Variants in IFITM10 observed in about 807,000 individuals in gnomAD.
IFITM10 encodes interferon induced transmembrane protein 10.
A neutral mutation model predicts 19.0 loss-of-function variants in IFITM10; 17 were observed. That is an observed-to-expected ratio of 0.90 (90% CI 0.61 to 1.34). The LOEUF (loss-of-function observed/expected upper bound fraction) is 1.34. IFITM10 is among the 40% of genes most tolerant of loss of function. The pLI is 0.00. For synonymous variants in IFITM10, 148 were observed against 147.2 expected (o/e 1.01, Z -0.04); for missense variants, 306 against 319.8 (o/e 0.96, Z 0.33).
intron 1 of IFITM10, among the ~76,000 whole-genome samples, chr11:1,749,361 C>A (rs890553211): frequency 1.3e-5 from 2 of 151,952 alleles, no homozygotes; most frequent in Admixed American, 6.5e-5. Context: ...ACCCCTACAG[C>A]CCCCGACCAG....
Position 1,747,762 on chromosome 11 carries a change from T to C in IFITM10, c.442A>G (p.Thr148Ala). The C allele has an allele frequency of 6.4e-7, 1 of 1,551,856 alleles. No individual in the cohort carries two copies. Among genetic ancestry groups the C allele is most frequent in the Non-Finnish European group, 8.7e-7 (1 of 1,146,978 alleles). The change falls in exon 2 of 3, where the codon ACC becomes GCC. Residue 148 changes from threonine (T) to alanine (A), a missense_variant. Coordinates refer to ENST00000340134, the MANE Select transcript of IFITM10 (RefSeq NM_001170820.4). The stretch of plus-strand genomic sequence containing the variant: ...CACAGGTAATAGTCGTTCACCTCGG[T>C]GGTGTCCGGGTAGACCTCGATGACG... ...TTVIEVYPDT[T>A]EVNDYYLWSI...
intron 2 of IFITM10, among the ~76,000 whole-genome samples, chr11:1,737,465 C>T (rs1452196088): frequency 6.6e-6 from 1 of 152,238 alleles, no homozygotes; most frequent in East Asian, 1.9e-4. Flanking sequence ...GGGTCGTAGA[C>T]TGTACAGCCT....
rs1465593079 is a variant in IFITM10, at chr11:1,748,007, G to A, written c.197C>T (p.Pro66Leu). The A allele has an allele frequency of 2.1e-5, 30 of 1,437,942 alleles. No individual in the cohort carries two copies. Among genetic ancestry groups the A allele is most frequent in the Non-Finnish European group, 2.6e-5 (29 of 1,098,256 alleles). 89.1% of individuals were successfully genotyped at this position (1,437,942 alleles called of 1,614,324 possible). The change falls in exon 2 of 3, where the codon CCG becomes CTG. Residue 66 changes from proline (P) to leucine (L), a missense_variant. By Grantham distance (98) the Pro-to-Leu change is moderately conservative. Transcript: ENST00000340134. ...LDGAFWIPRP[P>L]AGSPKGCFAC... ...GAAGCAGCCCTTGGGCGAACCTGCC[G>A]GGGGCCTCGGAATCCAGAAGGCCCC...
chr11:1,749,111 C>A (rs1471348559), intron 1 of IFITM10: 1 of 1,095,764 alleles, frequency 9.1e-7, no homozygotes, highest in Non-Finnish European at 1.1e-6. Context: ...ACTGATCCGC[C>A]TCCCAGCGGC....
Position 1,735,329 on chromosome 11 carries a change from C to T in IFITM10, c.638G>A (p.Cys213Tyr), listed in dbSNP as rs1465907098. The change falls in exon 3 of 3, where the codon TGC becomes TAC. Residue 213 changes from cysteine to tyrosine, a missense_variant. Cys to Tyr is a radical substitution (Grantham distance 194). Coordinates refer to ENST00000340134, the MANE Select transcript of IFITM10 (RefSeq NM_001170820.4). ...CAGGAAGATGAAGACGAGGATGATGCAGGAGGCTGCCAGGGCAGAACTGGT... is the reference window on the plus strand; with the variant it reads ...CAGGAAGATGAAGACGAGGATGATGTAGGAGGCTGCCAGGGCAGAACTGGT... Reference protein sequence around the residue: ...NITSSALAASCIILVFIFLRY... With the variant: ...NITSSALAASYIILVFIFLRY... 6.4e-7 allele frequency: 1 copy of T among 1,551,580 alleles called. No homozygotes were observed. Among genetic ancestry groups the T allele is most frequent in the Non-Finnish European group, 8.7e-7 (1 of 1,146,974 alleles).
chr11:1,740,965 C>T (rs1026667040), intron 2 of IFITM10, among the ~76,000 whole-genome samples: 31 of 152,112 alleles, frequency 2.0e-4, no homozygotes, highest in Admixed American at 1.6e-3. Context: ...TCCCTTGCTC[C>T]CACTCTTGCC....
Position 1,748,055 on chromosome 11 carries a change from TG to T in IFITM10, c.148del (p.Gln50ArgfsTer79), listed in dbSNP as rs2133651034. On this transcript the variant is annotated frameshift_variant, in exon 2 of 3. Coordinates refer to ENST00000340134, the MANE Select transcript of IFITM10 (RefSeq NM_001170820.4). LOFTEE classifies it high-confidence loss of function. ...CCCGTCCAGGGGGACTCGGGCTTCCTGGGCGCCGTCCGTGGTGCTGGCCGGG... is the reference window on the plus strand; with the variant it reads ...CCCGTCCAGGGGGACTCGGGCTTCCTGGCGCCGTCCGTGGTGCTGGCCGGG... ...GDPASTTDGA[Q>X]EARVPLDGAF... The T allele has an allele frequency of 1.4e-6, 2 of 1,418,560 alleles. 1 individual carries two copies. The highest frequency in any genetic ancestry group is 5.0e-4 in the Middle Eastern group (2 of 3,972). The allele number at this position is 1,418,560 out of a possible 1,614,324, so 87.9% of individuals were successfully genotyped here. A position where few individuals can be genotyped will look rare whatever the true frequency, so the allele number is the denominator to read the frequency against.
intron 2 of IFITM10, among the ~76,000 whole-genome samples, chr11:1,741,858 C>T (rs551971516): frequency 3.9e-5 from 6 of 152,190 alleles, no homozygotes; most frequent in East Asian, 3.9e-4. Flanking sequence ...TTAGGTCATG[C>T]GTGGGATTGG....
chr11:1,747,730 G>A lies in IFITM10; in HGVS notation c.474C>T (p.Ile158=). The A allele has an allele frequency of 6.4e-7, 1 of 1,551,832 alleles. No individual in the cohort carries two copies. The highest frequency in any genetic ancestry group is 8.7e-7 in the Non-Finnish European group (1 of 1,146,998). The change falls in exon 2 of 3, where the codon ATC becomes ATT. Residue 158 remains isoleucine (I), a synonymous_variant. Transcript: ENST00000340134. ...AGAAGTTGAGGTAGACGAAGTTGAA[G>A]ATGGACCACAGGTAATAGTCGTTCA... ...TEVNDYYLWS[I]FNFVYLNFCC...
At position 1,747,911 on chromosome 11, in the gene IFITM10, G is replaced by A. The variant is rs1482480753; in HGVS notation, c.293C>T (p.Pro98Leu). 4 of 1,498,556 alleles carry A rather than the reference G, an allele frequency of 2.7e-6. No homozygotes were observed. The highest frequency in any genetic ancestry group is 2.5e-5 in the East Asian group (1 of 40,332). 92.8% of individuals were successfully genotyped at this position (1,498,556 alleles called of 1,614,324 possible). Residue 98 changes from proline to leucine, a missense_variant, in exon 2 of 3, where the codon CCG (proline) becomes CTG (leucine). Pro to Leu is a moderately conservative substitution (Grantham distance 98). Transcript: ENST00000340134. ...CATGGGGAACAGTGTGGGCGCCATC[G>A]GGGGAGAGGCCGAGGGCTCAGGGGC... The part of the protein sequence containing the change: ...APAPEPSASP[P>L]MAPTLFPMES...
intron 2 of IFITM10, chr11:1,745,171 C>CA (rs1346411364): frequency 6.5e-6 from 1 of 152,816 alleles, no homozygotes; most frequent in Non-Finnish European, 1.5e-5. Context: ...TGCAGAAACC[C>CA]GGCACCATCC....
At chr11:1,739,232 C>T (rs893726476) in intron 2 of IFITM10, among the ~76,000 whole-genome samples, 34 of 152,090 alleles carry the variant, frequency 2.2e-4, no homozygotes, top group Admixed American at 9.8e-4. Flanking sequence ...GTAACGGATG[C>T]TGGATGGCTG....
chr11:1,750,594 T>C lies in IFITM10; in HGVS notation c.-152A>G. ...CCTGTGCCTGACTCTGAACCCTTTC[T>C]CTCCCCAAACCTCTGTTCTGAACCC... On this transcript the variant is annotated 5_prime_UTR_variant, in exon 1 of 3. Coordinates refer to ENST00000340134, the MANE Select transcript of IFITM10 (RefSeq NM_001170820.4). 1 of 993,354 alleles carries C rather than the reference T, an allele frequency of 1.0e-6. No individual in the cohort carries two copies. Among genetic ancestry groups the C allele is most frequent in the East Asian group, 2.6e-5 (1 of 38,234 alleles). The allele number at this position is 993,354 out of a possible 1,614,324, so 61.5% of individuals were successfully genotyped here.
chr11:1,744,434 C>G (rs979172632), intron 2 of IFITM10: 8 of 152,724 alleles, frequency 5.2e-5, no homozygotes, highest in African/African-American at 1.9e-4. Context: ...AAAAAGGCAG[C>G]TTGGATGCTG....
rs567227812 is a variant in IFITM10, at chr11:1,739,766, T to C, written c.538-4337A>G. The stretch of plus-strand genomic sequence containing the variant: ...AGAATGTGACAGACTCGGCCATGTG[T>C]TCATCTGCAGGGAGGCATGTCCTGG... On this transcript the variant is annotated intron_variant, in intron 2 of 2. Coordinates refer to ENST00000340134, the MANE Select transcript of IFITM10 (RefSeq NM_001170820.4). Among the ~76,000 whole-genome samples, 10 of 152,110 alleles carry C rather than the reference T, an allele frequency of 6.6e-5. No individual in the cohort carries two copies. In the East Asian group the frequency reaches 1.9e-3, roughly 29 times the overall value.
chr11:1,745,735 C>G (rs772968833), intron 2 of IFITM10: 8 of 151,044 alleles, frequency 5.3e-5, no homozygotes, highest in Non-Finnish European at 1.0e-4. Flanking sequence ...CACTTGTGTA[C>G]ACACATTTAC....
chr11:1,747,359 C>G (rs911434625), intron 2 of IFITM10, among the ~76,000 whole-genome samples: 49 of 152,134 alleles, frequency 3.2e-4, no homozygotes, highest in African/African-American at 1.2e-3. Context: ...ACCCCGCCCC[C>G]CTCAACCCCC....
intron 1 of IFITM10, chr11:1,749,171 G>T (rs1260562384): frequency 7.0e-6 from 6 of 853,312 alleles, no homozygotes; most frequent in Non-Finnish European, 8.5e-6. Context: ...CGGCGCCGCT[G>T]CCTCCCCCGC....
In IFITM10 at chr11:1,733,550, C is replaced by T; in HGVS notation, c.*1730G>A. On this transcript the variant is annotated 3_prime_UTR_variant, in exon 3 of 3. Coordinates refer to ENST00000340134, the MANE Select transcript of IFITM10 (RefSeq NM_001170820.4). The surrounding 1 kb of genome is among the most constrained non-coding windows in gnomAD (Gnocchi z 6.3). The stretch of plus-strand genomic sequence containing the variant: ...TCGCTGCACTCCTGCCACGGCTGTG[C>T]CCTGTCCCCTGCGTTTGTCCCATCT... 6.5e-6 allele frequency: 1 copy of T among 152,956 alleles called. No homozygotes were observed. The highest frequency in any genetic ancestry group is 1.5e-5 in the Non-Finnish European group (1 of 68,478). The allele number at this position is 152,956 out of a possible 1,614,324, so 9.5% of individuals were successfully genotyped here.
Sources: allele counts gnomAD v4.1 joint callset (sites outside exome capture counted in the v4.1 genomes callset), GRCh38; gene constraint gnomAD v4.1.1; non-coding constraint Gnocchi (gnomAD v3.1); transcripts MANE v1.5; gene names NCBI Gene and HGNC (gene_info 2026-07-23, HGNC 2026-07-21).